Variants in DNAH10 observed in about 807,000 individuals in gnomAD.
DNAH10 encodes the protein dynein axonemal heavy chain 10.
In DNAH10, 348 loss-of-function variants were observed where a neutral mutation model predicts 506.6. The ratio of observed to expected loss-of-function variants is 0.69; its 90% CI spans 0.63 to 0.75. DNAH10 has a LOEUF of 0.75. Ranked by LOEUF, DNAH10 falls within the 30% of genes least tolerant of loss-of-function variation. DNAH10 has a pLI of 0.00. For missense variants in DNAH10, 5,179 were observed against 5,787.1 expected, an observed-to-expected ratio of 0.89 and a Z score of 3.41; for synonymous variants, 2,059 against 2,198.6, an observed-to-expected ratio of 0.94 and a Z score of 1.78.
intron 39 of DNAH10, among the ~76,000 whole-genome samples, chr12:123,864,349 G>A: frequency 6.6e-6 from 1 of 151,876 alleles, no homozygotes; most frequent in Admixed American, 6.6e-5. Flanking sequence ...GTTTCACTAT[G>A]TTGGCCAGAC....
At chr12:123,770,359 A>T (rs1957204956) in intron 2 of DNAH10, among the ~76,000 whole-genome samples, 1 of 152,048 alleles carries the variant, frequency 6.6e-6, no homozygotes, top group South Asian at 2.1e-4. Context: ...AGCTGGGACT[A>T]TAGGCGGCAC....
chr12:123,765,335 A>G (rs1956981951), intron 1 of DNAH10, among the ~76,000 whole-genome samples: 1 of 152,210 alleles, frequency 6.6e-6, no homozygotes, highest in African/African-American at 2.4e-5. Context: ...CTGCCATAAC[A>G]CATGTTCTCT....
In DNAH10 at chr12:123,913,321, C is replaced by CTCACAGGGTCAGAAAACAACA. The variant is rs760434594; in HGVS notation, c.10352+6_10352+7insTCACAGGGTCAGAAAACAACA. On this transcript the variant is annotated splice_region_variant and intron_variant, in intron 60 of 78. Coordinates refer to ENST00000673944, the MANE Select transcript of DNAH10 (RefSeq NM_001372106.1). The surrounding 1 kb of genome is among the most constrained non-coding windows in gnomAD (Gnocchi z 5.1). ...CTGGGGTCAGAAAACATCAGGTTAGCGCTGCTCACGAGCCCACCTGTTGCG... is the reference window on the plus strand; with the variant it reads ...CTGGGGTCAGAAAACATCAGGTTAGCTCACAGGGTCAGAAAACAACAGCTGCTCACGAGCCCACCTGTTGCG... The CTCACAGGGTCAGAAAACAACA allele has an allele frequency of 6.3e-7, 1 of 1,577,416 alleles. No individual in the cohort carries two copies. Among genetic ancestry groups the CTCACAGGGTCAGAAAACAACA allele is most frequent in the Admixed American group, 1.8e-5 (1 of 54,986 alleles).
At chr12:123,833,009 C>T (rs1156622352) in intron 26 of DNAH10, 105 bp from the exon 27 acceptor site, 16 of 791,764 alleles carry the variant, frequency 2.0e-5, no homozygotes, top group Admixed American at 1.7e-4. Context: ...CCCAGGACTC[C>T]GATTGCATTG....
chr12:123,898,182 G>A (rs1953342156), intron 55 of DNAH10, among the ~76,000 whole-genome samples: 1 of 152,158 alleles, frequency 6.6e-6, no homozygotes, highest in African/African-American at 2.4e-5. Context: ...AGACTTTGAA[G>A]CTTTACATTT....
intron 19 of DNAH10, among the ~76,000 whole-genome samples, chr12:123,812,202 A>G (rs909494244): frequency 6.6e-5 from 10 of 152,014 alleles, no homozygotes; most frequent in Non-Finnish European, 1.2e-4. Context: ...CTGTAATCCC[A>G]GTACTTTGGG....
At chr12:123,775,623 A>C (rs1298690863) in intron 5 of DNAH10, among the ~76,000 whole-genome samples, 1 of 152,190 alleles carries the variant, frequency 6.6e-6, no homozygotes, top group Non-Finnish European at 1.5e-5. Context: ...AAGCAGCCTC[A>C]GCTTGGCCCA....
intron 51 of DNAH10, among the ~76,000 whole-genome samples, chr12:123,884,498 C>T (rs2137095042): frequency 6.6e-6 from 1 of 152,308 alleles, no homozygotes; most frequent in South Asian, 2.1e-4. Context: ...CCAGAGAGGG[C>T]CCTCTCCCGG....
At chr12:123,934,227 C>T (rs1050261472) in intron 77 of DNAH10, 2 of 701,420 alleles carry the variant, frequency 2.9e-6, no homozygotes, top group African/African-American at 3.5e-5. Flanking sequence ...ACTTCCTGCT[C>T]CCCAGCCACT....
In DNAH10 at chr12:123,924,442, C is replaced by T. The variant is rs778888667; in HGVS notation, c.11766+10C>T. On this transcript the variant is annotated intron_variant, in intron 67 of 78. Coordinates refer to ENST00000673944, the MANE Select transcript of DNAH10 (RefSeq NM_001372106.1). ...GACTGTCTGGCAGGAGGTGAGCCCACGTTCCCTTTCTCCTCCTCTCCTTCC... is the reference window on the plus strand; with the variant it reads ...GACTGTCTGGCAGGAGGTGAGCCCATGTTCCCTTTCTCCTCCTCTCCTTCC... 1.4e-5 allele frequency: 23 copies of T among 1,606,974 alleles called. No individual in the cohort carries two copies. The highest frequency in any genetic ancestry group is 8.4e-5 in the Admixed American group (5 of 59,836).
chr12:123,791,165 A>C (rs1958065340), intron 11 of DNAH10, among the ~76,000 whole-genome samples: 1 of 152,074 alleles, frequency 6.6e-6, no homozygotes, highest in African/African-American at 2.4e-5. Flanking sequence ...GTGAAAAAAA[A>C]TCAAGGTTTA....
At position 123,914,960 on chromosome 12, in the gene DNAH10, C is replaced by T. The variant is rs1954402063; in HGVS notation, c.10683C>T (p.Leu3561=). 2 of 1,611,152 alleles carry T rather than the reference C, an allele frequency of 1.2e-6. No homozygotes were observed. Among genetic ancestry groups the T allele is most frequent in the Non-Finnish European group, 1.7e-6 (2 of 1,178,650 alleles). Residue 3561 remains leucine (L), a synonymous_variant, in exon 62 of 79, where the codon CTC becomes CTT. Transcript: ENST00000673944. ...PLCIDPQQQA[L]NWIKRKEEKN... ...GTATCGACCCCCAGCAGCAGGCCCT[C>T]AACTGGATCAAGAGAAAAGAGGAGA...
intron 43 of DNAH10, among the ~76,000 whole-genome samples, chr12:123,869,651 C>T (rs1475448177): frequency 6.6e-6 from 1 of 152,212 alleles, no homozygotes; most frequent in Non-Finnish European, 1.5e-5. Context: ...TGACTTTCTC[C>T]TTTTACAGTG....
chr12:123,796,683 C>T lies in DNAH10; in HGVS notation c.2014C>T (p.Gln672Ter). ...TGACATCATTAATAAAATCTTTGTC[C>T]AGAACCTTGAAAATCCACCACTGTA... ...EIDIINKIFV[Q>*]NLENPPLYKN... The change falls in exon 13 of 79, where the codon CAG becomes TAG. Residue 672 changes from glutamine to a stop codon, truncating the protein, a stop_gained. Coordinates refer to ENST00000673944, the MANE Select transcript of DNAH10 (RefSeq NM_001372106.1). LOFTEE classifies it high-confidence loss of function. 1.2e-6 allele frequency: 2 copies of T among 1,611,704 alleles called. No individual in the cohort carries two copies. Among genetic ancestry groups the T allele is most frequent in the Non-Finnish European group, 8.5e-7 (1 of 1,179,268 alleles).
At chr12:123,880,805 C>T (rs1162960911) in intron 50 of DNAH10, among the ~76,000 whole-genome samples, 7 of 108,536 alleles carry the variant, frequency 6.4e-5, no homozygotes, top group Admixed American at 3.4e-4. Context: ...CCCCCCTCCC[C>T]CCACCCCACA....
intron 11 of DNAH10, among the ~76,000 whole-genome samples, chr12:123,791,339 A>C (rs2136223735): frequency 6.6e-6 from 1 of 152,262 alleles, no homozygotes; most frequent in African/African-American, 2.4e-5. Flanking sequence ...CACAGTATGA[A>C]GAGTGACCCA....
In DNAH10 at chr12:123,804,962, G is replaced by A. The variant is rs745898168; in HGVS notation, c.2909G>A (p.Gly970Asp). 17 of 1,614,072 alleles carry A rather than the reference G, an allele frequency of 1.1e-5. 1 individual carries two copies. In the African/African-American group the frequency reaches 1.9e-4, roughly 18 times the overall value. Residue 970 changes from glycine to aspartate, a missense_variant, in exon 18 of 79, where the codon GGC becomes GAC. By Grantham distance (94) the Gly-to-Asp change is moderately conservative. Around this residue, in one of 3 missense-constraint regions of DNAH10, gnomAD observed 4,844 missense variants for 5,430.5 expected, o/e 0.89. Transcript: ENST00000673944. ...GGCCTGGTCGTCCACACCAACACAG[G>A]CAAGGCCCCCAAGCTGGCCTCCTAC... ...VEGLVVHTNT[G>D]KAPKLASYYK...
At position 123,845,872 on chromosome 12, in the gene DNAH10, G is replaced by C. The variant is rs748303129; in HGVS notation, c.5630+3G>C. ...GTTGATTCTTTCATAAGAGGCAGGTGAGCATTTTCCGGGGTCACTGGCATT... is the reference window on the plus strand; with the variant it reads ...GTTGATTCTTTCATAAGAGGCAGGTCAGCATTTTCCGGGGTCACTGGCATT... On this transcript the variant is annotated splice_donor_region_variant and intron_variant, in intron 31 of 78. Coordinates refer to ENST00000673944, the MANE Select transcript of DNAH10 (RefSeq NM_001372106.1). 1 of 1,613,520 alleles carries C rather than the reference G, an allele frequency of 6.2e-7. No homozygotes were observed. The highest frequency in any genetic ancestry group is 8.5e-7 in the Non-Finnish European group (1 of 1,179,428).
Position 123,909,423 on chromosome 12 carries a change from C to A in DNAH10, c.9978C>A (p.Ser3326Arg). Reference protein sequence around the residue: ...MEIDFDSITQSQVKNIKGLLK... With the variant: ...MEIDFDSITQRQVKNIKGLLK... Reference sequence around the variant, plus strand: ...TTGATTTTGATTCGATTACCCAGAGCCAAGTGAAAAACATCAAAGGTGAGT... The same window carrying A: ...TTGATTTTGATTCGATTACCCAGAGACAAGTGAAAAACATCAAAGGTGAGT... Residue 3326 changes from serine (S) to arginine (R), a missense_variant, in exon 58 of 79, where the codon AGC (serine) becomes AGA (arginine). Ser to Arg is a moderately radical substitution (Grantham distance 110). This residue lies in a region of DNAH10 where 4,844 missense variants were observed against 5,430.5 expected (regional missense o/e 0.89). Transcript: ENST00000673944. This position sits in a 1 kb window ranked among gnomAD's most constrained non-coding sequence, Gnocchi z 5.4. 6.3e-7 allele frequency: 1 copy of A among 1,599,656 alleles called. No individual in the cohort carries two copies.
Sources: gnomAD v4.1 joint callset for allele counts (sites outside exome capture counted in the v4.1 genomes callset) on GRCh38, gnomAD v4.1.1 for gene constraint, gnomAD v4.1.1 regional missense constraint, Gnocchi (gnomAD v3.1) non-coding constraint, MANE v1.5 for transcripts, NCBI Gene and HGNC (gene_info 2026-07-23, HGNC 2026-07-21) for gene names.